KCNQ1: variants seen among roughly 807,000 people sequenced by gnomAD.
The protein encoded by KCNQ1 is potassium voltage-gated channel subfamily KQT member 1.
A neutral mutation model predicts 72.4 loss-of-function variants in KCNQ1; 49 were observed. That is an observed-to-expected ratio of 0.68 (90% CI 0.54 to 0.86). KCNQ1 has a LOEUF of 0.86. Among genes scored for constraint, KCNQ1 ranks in the 40% least tolerant of loss-of-function variants. The pLI is 0.00. For synonymous variants in KCNQ1, 450 were observed against 412.6 expected (o/e 1.09, Z -1.10); for missense variants, 790 against 945.1 (o/e 0.84, Z 2.15).
At chr11:2,749,370 A>G (rs1846187980) in intron 11 of KCNQ1, among the ~76,000 whole-genome samples, 1 of 152,008 alleles carries the variant, frequency 6.6e-6, no homozygotes, top group Non-Finnish European at 1.5e-5. Flanking sequence ...AGTGTCACTC[A>G]GTCTGCACTG....
chr11:2,625,223 T>C (rs1849243891), intron 10 of KCNQ1: 1 of 398,544 alleles, frequency 2.5e-6, no homozygotes, highest in Non-Finnish European at 4.4e-6. Flanking sequence ...AATTTCTCCA[T>C]GTCCCTTCCA....
At chr11:2,733,685 C>T (rs1404957779) in intron 11 of KCNQ1, among the ~76,000 whole-genome samples, 1 of 151,792 alleles carries the variant, frequency 6.6e-6, no homozygotes, top group Non-Finnish European at 1.5e-5. Context: ...GTGCTGCCCT[C>T]TTGGCCTCAG....
rs1483257750 is a variant in KCNQ1, at chr11:2,782,815, C to T, written c.1794+4778C>T. On this transcript the variant is annotated intron_variant, in intron 15 of 15. Transcript: ENST00000155840. This position sits in a 1 kb window ranked among gnomAD's most constrained non-coding sequence, Gnocchi z 6.1. ...ATTTATTTGTGCCTTCACTGTTTTC[C>T]CCCTTAGTGGTCAAACTTGACACTA... Among the ~76,000 whole-genome samples, 2 of 152,032 alleles carry T rather than the reference C, an allele frequency of 1.3e-5. No individual in the cohort carries two copies. The highest frequency in any genetic ancestry group is 1.3e-4 in the Admixed American group (2 of 15,268).
intron 10 of KCNQ1, among the ~76,000 whole-genome samples, chr11:2,604,627 C>G (rs1848854461): frequency 6.6e-6 from 1 of 151,852 alleles, no homozygotes; most frequent in Middle Eastern, 3.4e-3. Context: ...TCACTGCAAC[C>G]TCTACCTCCC....
rs991207982 is a variant in KCNQ1 at position 2,547,925 on chromosome 11, G to A, written c.477+19907G>A. Among the ~76,000 whole-genome samples, 3 of 152,262 alleles carry A rather than the reference G, an allele frequency of 2.0e-5. No homozygotes were observed. The highest frequency in any genetic ancestry group is 7.2e-5 in the African/African-American group (3 of 41,464). On this transcript the variant is annotated intron_variant, in intron 2 of 15. Transcript: ENST00000155840. This position sits in a 1 kb window ranked among gnomAD's most constrained non-coding sequence, Gnocchi z 4.2. The stretch of plus-strand genomic sequence containing the variant: ...CCCGGATGGGGCGTGTGCCTGGCGC[G>A]GGTGGAGGGAGCTGTGAGGAGCCTG...
At chr11:2,630,947 G>A in intron 10 of KCNQ1, 1 of 398,506 alleles carries the variant, frequency 2.5e-6, no homozygotes, top group Non-Finnish European at 4.4e-6. Flanking sequence ...GAAATCCACT[G>A]ATAGCCTTAT....
Position 2,746,424 on chromosome 11 carries a change from C to T in KCNQ1, c.1515-22420C>T, listed in dbSNP as rs975172111. On this transcript the variant is annotated intron_variant, in intron 11 of 15. Coordinates refer to ENST00000155840, the MANE Select transcript of KCNQ1 (RefSeq NM_000218.3). The surrounding 1 kb of genome is among the most constrained non-coding windows in gnomAD (Gnocchi z 5.9). ...TCAGTTTCCCTACTGTCTTTTTTCT[C>T]TCCCCGGGCCCCACCCAGGGTCCCA... Among the ~76,000 whole-genome samples, 6 of 152,074 alleles carry T rather than the reference C, an allele frequency of 3.9e-5. No homozygotes were observed. The highest frequency in any genetic ancestry group is 1.4e-4 in the African/African-American group (6 of 41,414).
In KCNQ1 at chr11:2,712,894, C is replaced by T. The variant is rs1036651828; in HGVS notation, c.1514+50813C>T. Among the ~76,000 whole-genome samples, 24 of 152,198 alleles carry T rather than the reference C, an allele frequency of 1.6e-4. No homozygotes were observed. Among genetic ancestry groups the T allele is most frequent in the South Asian group, 4.2e-4 (2 of 4,816 alleles). ...TGGGAAATGGAAGGACTGCAGCCCCCGCCTCCCTCCAAGGCAGTTGTCAGA... is the reference window on the plus strand; with the variant it reads ...TGGGAAATGGAAGGACTGCAGCCCCTGCCTCCCTCCAAGGCAGTTGTCAGA... On this transcript the variant is annotated intron_variant, in intron 11 of 15. Coordinates refer to ENST00000155840, the MANE Select transcript of KCNQ1 (RefSeq NM_000218.3). This position sits in a 1 kb window ranked among gnomAD's most constrained non-coding sequence, Gnocchi z 6.4.
At position 2,661,866 on chromosome 11, in the gene KCNQ1, T is replaced by C; in HGVS notation, c.1394-95T>C. The C allele has an allele frequency of 6.7e-7, 1 of 1,498,464 alleles. No homozygotes were observed. The highest frequency in any genetic ancestry group is 1.1e-5 in the South Asian group (1 of 88,622). 92.8% of individuals were successfully genotyped at this position (1,498,464 alleles called of 1,614,324 possible). A position where few individuals can be genotyped will look rare whatever the true frequency, so the allele number is the denominator to read the frequency against. On this transcript the variant is annotated intron_variant, in intron 10 of 15. Transcript: ENST00000155840. This position sits in a 1 kb window ranked among gnomAD's most constrained non-coding sequence, Gnocchi z 5.9. ...TGGAGCTTCCAGGCACAAGCTCCACTCCTCACCTGGCCCTGGGAGCTCACA... is the reference window on the plus strand; with the variant it reads ...TGGAGCTTCCAGGCACAAGCTCCACCCCTCACCTGGCCCTGGGAGCTCACA...
At position 2,623,440 on chromosome 11, in the gene KCNQ1, C is replaced by A. The variant is rs1849207577; in HGVS notation, c.1393+34586C>A. On this transcript the variant is annotated intron_variant, in intron 10 of 15. Transcript: ENST00000155840. This position sits in a 1 kb window ranked among gnomAD's most constrained non-coding sequence, Gnocchi z 5.2. ...TGCCTATTCAACCCTTCTTCCCCAA[C>A]AACCCTTGGCAACCACTGAACTTTT... 5.0e-6 allele frequency: 2 copies of A among 398,494 alleles called. No individual in the cohort carries two copies. The highest frequency in any genetic ancestry group is 6.2e-4 in the Middle Eastern group (1 of 1,610). 24.7% of individuals were successfully genotyped at this position (398,494 alleles called of 1,614,324 possible). A position where few individuals can be genotyped will look rare whatever the true frequency, so the allele number is the denominator to read the frequency against.
rs1398407637 is a variant in KCNQ1, at chr11:2,769,760, G to C, written c.1590+841G>C. Among the ~76,000 whole-genome samples, 1 of 152,158 alleles carries C rather than the reference G, an allele frequency of 6.6e-6. No individual in the cohort carries two copies. Among genetic ancestry groups the C allele is most frequent in the Non-Finnish European group, 1.5e-5 (1 of 68,008 alleles). Reference sequence around the variant, plus strand: ...ACTTGCCTGAGTCCCTTGGAGCGGGGGGCGTGTGACGTGCTTGAGTGAGTG... The same window carrying C: ...ACTTGCCTGAGTCCCTTGGAGCGGGCGGCGTGTGACGTGCTTGAGTGAGTG... On this transcript the variant is annotated intron_variant, in intron 12 of 15. Transcript: ENST00000155840. The surrounding 1 kb of genome is among the most constrained non-coding windows in gnomAD (Gnocchi z 4.6).
chr11:2,499,259 TGTAAG>T (rs538970364), intron 1 of KCNQ1, among the ~76,000 whole-genome samples: 110 of 152,244 alleles, frequency 7.2e-4, no homozygotes, highest in African/African-American at 2.6e-3. Context: ...AATAATGAGT[TGTAAG>T]ATATTTTCAA....
rs183779951 is a variant in KCNQ1 at position 2,724,748 on chromosome 11, G to A, written c.1515-44096G>A. ...AAGGAGACACAGGCAACAGAACCAGGGCTCAGAGTTGGGGGAAGGGGCCAG... is the reference window on the plus strand; with the variant it reads ...AAGGAGACACAGGCAACAGAACCAGAGCTCAGAGTTGGGGGAAGGGGCCAG... On this transcript the variant is annotated intron_variant, in intron 11 of 15. Coordinates refer to ENST00000155840, the MANE Select transcript of KCNQ1 (RefSeq NM_000218.3). This position sits in a 1 kb window ranked among gnomAD's most constrained non-coding sequence, Gnocchi z 6.8. 7.0e-4 allele frequency among the ~76,000 whole-genome samples: 107 copies of A among 152,336 alleles called. No homozygotes were observed. Among genetic ancestry groups the A allele is most frequent in the Admixed American group, 1.6e-3 (24 of 15,306 alleles).
At chr11:2,754,895 TA>T (rs1204944031) in intron 11 of KCNQ1, among the ~76,000 whole-genome samples, 5 of 152,232 alleles carry the variant, frequency 3.3e-5, no homozygotes, top group Admixed American at 1.3e-4. Flanking sequence ...AAAGATACCT[TA>T]AAGAACGTGA....
intron 10 of KCNQ1, chr11:2,643,367 G>A (rs1590000707): frequency 2.5e-6 from 1 of 398,336 alleles, no homozygotes; most frequent in South Asian, 1.3e-4. Flanking sequence ...GTTTAGAATT[G>A]TTATATCCTC....
At chr11:2,489,316 TA>T (rs930669654) in intron 1 of KCNQ1, among the ~76,000 whole-genome samples, 4 of 152,088 alleles carry the variant, frequency 2.6e-5, no homozygotes, top group African/African-American at 9.7e-5. Context: ...AGAACCAGGC[TA>T]AATTCAGCCC....
chr11:2,498,045 C>T lies in KCNQ1; in HGVS notation c.387-29883C>T, dbSNP rs567738814. Among the ~76,000 whole-genome samples, 1 of 152,202 alleles carries T rather than the reference C, an allele frequency of 6.6e-6. No homozygotes were observed. Among genetic ancestry groups the T allele is most frequent in the African/African-American group, 2.4e-5 (1 of 41,454 alleles). On this transcript the variant is annotated intron_variant, in intron 1 of 15. Transcript: ENST00000155840. The surrounding 1 kb of genome is among the most constrained non-coding windows in gnomAD (Gnocchi z 4.8). ...TGCTGCCTACTCCTTCCTCTGGAAG[C>T]TTTGTCCCAGAAGGGCACCAGCCTG...
intron 11 of KCNQ1, chr11:2,684,241 T>C: frequency 2.5e-6 from 1 of 398,632 alleles, no homozygotes. Context: ...CCCTACCCAG[T>C]ACCTTCTGGG....
Position 2,654,111 on chromosome 11 carries a change from C to G in KCNQ1, c.1394-7850C>G, listed in dbSNP as rs566661646. On this transcript the variant is annotated intron_variant, in intron 10 of 15. Coordinates refer to ENST00000155840, the MANE Select transcript of KCNQ1 (RefSeq NM_000218.3). This position sits in a 1 kb window ranked among gnomAD's most constrained non-coding sequence, Gnocchi z 6.4. ...CTTACTTCTCGCCTCTGAGTGGAGA[C>G]ACAGGTGGTGGCGGGGCCACTCTGG... 7.5e-5 allele frequency: 30 copies of G among 398,738 alleles called. No individual in the cohort carries two copies. The East Asian group carries it at 8.2e-4, about 11-fold the overall frequency. 24.7% of individuals were successfully genotyped at this position (398,738 alleles called of 1,614,324 possible). A position where few individuals can be genotyped will look rare whatever the true frequency, so the allele number is the denominator to read the frequency against.
Sources: allele counts gnomAD v4.1 joint callset (sites outside exome capture counted in the v4.1 genomes callset), GRCh38; gene constraint gnomAD v4.1.1; non-coding constraint Gnocchi (gnomAD v3.1); transcripts MANE v1.5; gene names NCBI Gene and HGNC (gene_info 2026-07-23, HGNC 2026-07-21).